The following ETV5 variants were observed in gnomAD, a reference collection of about 807,000 sequenced individuals.
ETV5 encodes ETS variant transcription factor 5.
Under a neutral mutation model 70.0 loss-of-function variants are expected in ETV5, and 10 were observed. That is an observed-to-expected ratio of 0.14 (90% CI 0.09 to 0.24). The LOEUF is 0.24. ETV5 is among the 10% of genes least tolerant of loss of function. The pLI is 1.00. For synonymous variants in ETV5, 216 were observed against 242.2 expected, an observed-to-expected ratio of 0.89 and a Z score of 1.01; for missense variants, 453 against 651.2, an observed-to-expected ratio of 0.70 and a Z score of 3.31.
Position 186,097,212 on chromosome 3 carries a change from C to CATAGTGAG in ETV5, c.232+8085_232+8092dup, listed in dbSNP as rs1714326328. On this transcript the variant is annotated intron_variant, in intron 5 of 12. Transcript: ENST00000306376. Reference sequence around the variant, plus strand: ...AGTGTCCAGTGGAAGGGTTTACAGCCATAGTGAGGTTCCCCCATTGCTCAG... The same window carrying CATAGTGAG: ...AGTGTCCAGTGGAAGGGTTTACAGCCATAGTGAGATAGTGAGGTTCCCCCATTGCTCAG... 7.3e-5 allele frequency among the ~76,000 whole-genome samples: 11 copies of CATAGTGAG among 151,144 alleles called. No individual in the cohort carries two copies. The South Asian group carries it at 2.1e-3, about 29-fold the overall frequency.
chr3:186,108,478 G>C (rs749857411), intron 1 of ETV5: 1 of 1,271,530 alleles, frequency 7.9e-7, no homozygotes, highest in African/African-American at 1.5e-5. Context: ...ACCCCCTCCC[G>C]GTGCTCTGGG....
chr3:186,069,514 T>C (rs1713545002), intron 7 of ETV5, among the ~76,000 whole-genome samples: 1 of 150,684 alleles, frequency 6.6e-6, no homozygotes. Context: ...TTTTTTTTTT[T>C]TTTTTTAAAA....
In ETV5 at chr3:186,105,972, AAG is replaced by A. The variant is rs1376447313; in HGVS notation, c.-74-32_-74-31del. ...AATATGAATTTGGGAGATTTTAACT[AAG>A]AGGGGGGAAAAAAAGAAATGAAACA... On this transcript the variant is annotated intron_variant, in intron 1 of 12. Coordinates refer to ENST00000306376, the MANE Select transcript of ETV5 (RefSeq NM_004454.3). The surrounding 1 kb of genome is among the most constrained non-coding windows in gnomAD (Gnocchi z 4.5). The A allele has an allele frequency of 1.9e-5, 27 of 1,440,632 alleles. No individual in the cohort carries two copies. The highest frequency in any genetic ancestry group is 4.1e-5 in the Admixed American group (2 of 48,690). The allele number at this position is 1,440,632 out of a possible 1,614,324, so 89.2% of individuals were successfully genotyped here.
At position 186,080,543 on chromosome 3, in the gene ETV5, TCTC is replaced by T. The variant is rs1338981878; in HGVS notation, c.363-442_363-440del. ...TGACATCATTTGAATTAACAACTCT[TCTC>T]CTCCCCCTTTCAGGCAAATCTATGT... On this transcript the variant is annotated intron_variant, in intron 6 of 12. Coordinates refer to ENST00000306376, the MANE Select transcript of ETV5 (RefSeq NM_004454.3). The T allele has an allele frequency of 6.9e-5, 16 of 233,096 alleles. No individual in the cohort carries two copies. The East Asian group carries it at 9.8e-4, about 14-fold the overall frequency. The allele number at this position is 233,096 out of a possible 1,614,324, so 14.4% of individuals were successfully genotyped here.
chr3:186,092,600 A>AT (rs902377153), intron 5 of ETV5, among the ~76,000 whole-genome samples: 268 of 142,126 alleles, frequency 1.9e-3, no homozygotes, highest in Middle Eastern at 3.7e-3. Context: ...ACGCAGCTAC[A>AT]TTTTTTTTTT....
Position 186,046,669 on chromosome 3 carries a change from CAAAAGA to C in ETV5, c.*1964_*1969del. ...ATTGCTAAGACAGCATAAATCCATT[CAAAAGA>C]AAAAAAAAAAAAATCCAAACCAGGG... On this transcript the variant is annotated 3_prime_UTR_variant, in exon 13 of 13. Coordinates refer to ENST00000306376, the MANE Select transcript of ETV5 (RefSeq NM_004454.3). The C allele has an allele frequency of 1.4e-5, 1 of 72,560 alleles. No individual in the cohort carries two copies. Among genetic ancestry groups the C allele is most frequent in the Middle Eastern group, 3.8e-3 (1 of 260 alleles). 4.5% of individuals were successfully genotyped at this position (72,560 alleles called of 1,614,324 possible). A position where few individuals can be genotyped will look rare whatever the true frequency, so the allele number is the denominator to read the frequency against.
intron 5 of ETV5, among the ~76,000 whole-genome samples, chr3:186,088,002 G>A (rs867953181): frequency 6.6e-6 from 1 of 152,076 alleles, no homozygotes; most frequent in Non-Finnish European, 1.5e-5. Context: ...GTTACCCTGC[G>A]GTCTGAAGGG....
At position 186,049,272 on chromosome 3, in the gene ETV5, T is replaced by C. The variant is rs148773527; in HGVS notation, c.1312-412A>G. 3.3e-5 allele frequency among the ~76,000 whole-genome samples: 5 copies of C among 152,302 alleles called. No homozygotes were observed. The East Asian group carries it at 9.6e-4, about 29-fold the overall frequency. On this transcript the variant is annotated intron_variant, in intron 12 of 12. Transcript: ENST00000306376. ...GTCTTCACAGTATGGCCTTGTTATT[T>C]AGAAAGGTTAGAAATCTGATGAGAG... is the stretch of plus-strand genomic sequence containing the variant.
intron 7 of ETV5, among the ~76,000 whole-genome samples, chr3:186,069,969 G>C (rs905263015): frequency 2.0e-5 from 3 of 151,664 alleles, no homozygotes; most frequent in African/African-American, 7.3e-5. Context: ...ATCATGCCTG[G>C]CTAATTTTTT....
At chr3:186,049,299 G>A (rs969694414) in intron 12 of ETV5, among the ~76,000 whole-genome samples, 4 of 152,198 alleles carry the variant, frequency 2.6e-5, no homozygotes, top group African/African-American at 7.2e-5. Flanking sequence ...TGATGAGAGC[G>A]AGCCTGCGCA....
intron 7 of ETV5, among the ~76,000 whole-genome samples, chr3:186,067,539 G>A (rs1388649432): frequency 5.3e-5 from 8 of 152,078 alleles, no homozygotes; most frequent in Admixed American, 4.6e-4. Flanking sequence ...TTGAACCCAG[G>A]AGGTGAAGGT....
At position 186,057,036 on chromosome 3, in the gene ETV5, C is replaced by T. The variant is rs1307872120; in HGVS notation, c.1209+39G>A. 2 of 1,591,422 alleles carry T rather than the reference C, an allele frequency of 1.3e-6. No homozygotes were observed. Among genetic ancestry groups the T allele is most frequent in the South Asian group, 1.1e-5 (1 of 89,652 alleles). ...AAACAAAAAACATCATCAACAACAA[C>T]AAATCAAAACCCGTCTGAGTCCAGC... On this transcript the variant is annotated intron_variant, in intron 11 of 12. Transcript: ENST00000306376. The surrounding 1 kb of genome is among the most constrained non-coding windows in gnomAD (Gnocchi z 4.9).
intron 9 of ETV5, 90 bp downstream of exon 9, chr3:186,064,319 GAGGAAGGA>G: frequency 8.6e-7 from 1 of 1,167,500 alleles, no homozygotes; most frequent in Non-Finnish European, 1.3e-6. Context: ...AGCAAAGAAA[GAGGAAGGA>G]AGGAAGGTAG....
chr3:186,064,269 A>G, intron 9 of ETV5, 148 bp downstream of exon 9: 1 of 693,354 alleles, frequency 1.4e-6, no homozygotes, highest in East Asian at 2.7e-5. Flanking sequence ...CTCAAATCTT[A>G]GCCTGGAAAC....
In ETV5 at chr3:186,064,458, G is replaced by A. The variant is rs749396927; in HGVS notation, c.929C>T (p.Ser310Leu). Residue 310 changes from serine (S) to leucine (L), a missense_variant, in exon 9 of 13, where the codon TCA becomes TTA. Ser to Leu is a moderately radical substitution (Grantham distance 145). Coordinates refer to ENST00000306376, the MANE Select transcript of ETV5 (RefSeq NM_004454.3). ...CVDSEVPNCQ[S>L]SYMRGGYFSS... Reference sequence around the variant, plus strand: ...GAAATAACCCCCTCTCATGTAGGATGACTGGCAGTTAGGCACTTCTGAAAG... The same window carrying A: ...GAAATAACCCCCTCTCATGTAGGATAACTGGCAGTTAGGCACTTCTGAAAG... 8.7e-6 allele frequency: 14 copies of A among 1,614,162 alleles called. No homozygotes were observed. In the South Asian group the frequency reaches 1.5e-4, roughly 18 times the overall value.
At chr3:186,089,465 G>A (rs946010583) in intron 5 of ETV5, among the ~76,000 whole-genome samples, 20 of 152,254 alleles carry the variant, frequency 1.3e-4, no homozygotes, top group African/African-American at 4.3e-4. Flanking sequence ...ACCGTTTAAT[G>A]AGCCCCCCAA....
At chr3:186,081,013 G>T in intron 6 of ETV5, 33 bp downstream of exon 6, 1 of 1,581,956 alleles carries the variant, frequency 6.3e-7, no homozygotes, top group African/African-American at 1.3e-5. Flanking sequence ...GCCTTTCTGG[G>T]CAGCCTTTCT....
At chr3:186,084,245 G>A (rs1329398851) in intron 5 of ETV5, 1 of 449,140 alleles carries the variant, frequency 2.2e-6, no homozygotes, top group Non-Finnish European at 4.4e-6. Context: ...AATTGAAAAG[G>A]GATCATGAAC....
At chr3:186,095,168 A>G (rs1420520209) in intron 5 of ETV5, 1 of 152,216 alleles carries the variant, frequency 6.6e-6, no homozygotes, top group African/African-American at 2.4e-5. Context: ...AAAGAGGTCT[A>G]AGGAAACCCT....
Sources: allele counts gnomAD v4.1 joint callset (sites outside exome capture counted in the v4.1 genomes callset), GRCh38; gene constraint gnomAD v4.1.1; non-coding constraint Gnocchi (gnomAD v3.1); transcripts MANE v1.5; gene names NCBI Gene and HGNC (gene_info 2026-07-23, HGNC 2026-07-21).